The following EVC variants were observed in gnomAD, a reference collection of about 807,000 sequenced individuals.
EVC encodes evC complex member EVC.
Under a neutral mutation model 118.9 loss-of-function variants are expected in EVC, and 116 were observed. The ratio of observed to expected loss-of-function variants is 0.98; its 90% confidence interval spans 0.84 to 1.14. The LOEUF (loss-of-function observed/expected upper bound fraction) is 1.14, where lower values mean the gene tolerates loss of function less well. EVC is among the 50% of genes most tolerant of loss of function. The probability of loss-of-function intolerance (pLI) is 0.00; values close to 1 mark genes in which losing one functional copy is unlikely to be tolerated. For missense variants in EVC, 1,401 were observed against 1,246.4 expected, an observed-to-expected ratio of 1.12 and a Z score of -1.87; for synonymous variants, 619 against 534.7, an observed-to-expected ratio of 1.16 and a Z score of -2.18.
chr4:5,801,373 T>C (rs1714938133), intron 15 of EVC, among the ~76,000 whole-genome samples: 1 of 152,116 alleles, frequency 6.6e-6, no homozygotes, highest in Admixed American at 6.5e-5. Context: ...TCCTCCACCT[T>C]AATGTTTAGA....
At position 5,802,098 on chromosome 4, in the gene EVC, C is replaced by A. The variant is rs753679138; in HGVS notation, c.2449+4C>A. 4.4e-6 allele frequency: 7 copies of A among 1,598,440 alleles called. No individual in the cohort carries two copies. Among genetic ancestry groups the A allele is most frequent in the Non-Finnish European group, 5.1e-6 (6 of 1,172,390 alleles). On this transcript the variant is annotated splice_donor_region_variant and intron_variant, in intron 16 of 20. Coordinates refer to ENST00000264956, the MANE Select transcript of EVC (RefSeq NM_153717.3). ...CAGCACCTGAAGACCCTGCAGGGTACGGGACCCCCCCTCAGGGAAGCCCCA... is the reference window on the plus strand; with the variant it reads ...CAGCACCTGAAGACCCTGCAGGGTAAGGGACCCCCCCTCAGGGAAGCCCCA...
rs1358533187 is a variant in EVC, at chr4:5,798,344, A to G, written c.2098-242A>G. Among the ~76,000 whole-genome samples the G allele has an allele frequency of 2.0e-5, 3 of 152,274 alleles. No individual in the cohort carries two copies. The highest frequency in any genetic ancestry group is 6.5e-5 in the Admixed American group (1 of 15,294). On this transcript the variant is annotated intron_variant, in intron 14 of 20. Transcript: ENST00000264956. The surrounding 1 kb of genome is among the most constrained non-coding windows in gnomAD (Gnocchi z 4.1). ...CCCCCCATCTTGTGAGGGGCCATAG[A>G]TGGTACTGGGCACGCAGTTGATGCT...
chr4:5,817,336 G>C (rs189009721), downstream of EVC, among the ~76,000 whole-genome samples: 25 of 152,300 alleles, frequency 1.6e-4, no homozygotes, highest in African/African-American at 4.6e-4. Context: ...GATAGGGAAA[G>C]ACTTTGAAGT....
chr4:5,744,327 G>C (rs960746995), intron 6 of EVC, among the ~76,000 whole-genome samples: 1 of 152,160 alleles, frequency 6.6e-6, no homozygotes, highest in Non-Finnish European at 1.5e-5. Context: ...GCCTCAGCTT[G>C]GGTCTTCAAT....
At chr4:5,788,989 G>C (rs1250865525) in intron 12 of EVC, among the ~76,000 whole-genome samples, 1 of 152,108 alleles carries the variant, frequency 6.6e-6, no homozygotes, top group Admixed American at 6.5e-5. Context: ...TCAAAAGATT[G>C]GACGTCCCTG....
intron 2 of EVC, among the ~76,000 whole-genome samples, chr4:5,721,404 A>G (rs1226458632): frequency 6.6e-5 from 10 of 152,238 alleles, no homozygotes; most frequent in Admixed American, 6.5e-4. Flanking sequence ...AGCCACTCAC[A>G]AAAGACCACA....
intron 13 of EVC, 108 bp downstream of exon 13, chr4:5,793,825 C>A (rs553799739): frequency 1.2e-6 from 1 of 824,134 alleles, no homozygotes; most frequent in East Asian, 2.7e-5. Context: ...CCTCAGCTTC[C>A]TTTGAATGTA....
chr4:5,753,644 G>T, intron 9 of EVC, 141 bp from the exon 10 acceptor site: 1 of 1,084,858 alleles, frequency 9.2e-7, no homozygotes, highest in Non-Finnish European at 1.4e-6. Context: ...AAAAACCCAG[G>T]TGTGTCACCA....
At chr4:5,772,381 G>A (rs1460489450) in intron 11 of EVC, among the ~76,000 whole-genome samples, 2 of 152,012 alleles carry the variant, frequency 1.3e-5, no homozygotes, top group East Asian at 1.9e-4. Flanking sequence ...AACAGACCAG[G>A]TTATGGGCCC....
At chr4:5,720,972 CTG>C (rs1472892052) in intron 2 of EVC, among the ~76,000 whole-genome samples, 1 of 152,136 alleles carries the variant, frequency 6.6e-6, no homozygotes, top group Non-Finnish European at 1.5e-5. Flanking sequence ...GTCTCTGACA[CTG>C]TGTGCTTGCC....
chr4:5,730,937 C>T (rs1185824267), intron 3 of EVC, among the ~76,000 whole-genome samples: 1 of 150,712 alleles, frequency 6.6e-6, no homozygotes, highest in African/African-American at 2.5e-5. Flanking sequence ...CATGGTGTTC[C>T]AGCTTCTTGA....
rs116236414 is a variant in EVC, at chr4:5,753,941, A to T, written c.1464+8A>T. 3.7e-6 allele frequency: 6 copies of T among 1,612,628 alleles called. No individual in the cohort carries two copies. The South Asian group carries it at 6.6e-5, about 18-fold the overall frequency. ...CCGGAAAAGTTTCTCGAGGTGACTC[A>T]CATCCCCAGCCTCTGCACATGTGGG... On this transcript the variant is annotated splice_region_variant and intron_variant, in intron 10 of 20. Transcript: ENST00000264956.
intron 11 of EVC, among the ~76,000 whole-genome samples, chr4:5,769,833 G>C (rs909883740): frequency 2.0e-5 from 3 of 152,180 alleles, no homozygotes; most frequent in African/African-American, 7.2e-5. Context: ...TGTCCTTGAA[G>C]AACACAGGCA....
intron 7 of EVC, among the ~76,000 whole-genome samples, chr4:5,747,383 A>G (rs1729522931): frequency 6.6e-6 from 1 of 152,182 alleles, no homozygotes; most frequent in African/African-American, 2.4e-5. Flanking sequence ...GACCTGAACC[A>G]AATCCGGGCT....
intron 11 of EVC, among the ~76,000 whole-genome samples, chr4:5,768,485 C>T (rs997548818): frequency 1.3e-5 from 2 of 152,060 alleles, no homozygotes; most frequent in African/African-American, 2.4e-5. Context: ...AATAGGCCTT[C>T]ATATGAATAT....
intron 11 of EVC, among the ~76,000 whole-genome samples, chr4:5,780,330 C>T (rs1735395376): frequency 6.6e-6 from 1 of 152,076 alleles, no homozygotes; most frequent in African/African-American, 2.4e-5. Flanking sequence ...GTTTATTTTC[C>T]TTTTAAAAAA....
At chr4:5,764,207 T>C in intron 11 of EVC, among the ~76,000 whole-genome samples, 1 of 142,994 alleles carries the variant, frequency 7.0e-6, no homozygotes, top group Non-Finnish European at 1.5e-5. Context: ...ATTACATTTA[T>C]TGATTTGCGT....
intron 11 of EVC, among the ~76,000 whole-genome samples, chr4:5,782,739 G>A (rs1208593547): frequency 6.6e-6 from 1 of 152,002 alleles, no homozygotes; most frequent in East Asian, 1.9e-4. Flanking sequence ...AGCCCTGCTG[G>A]GTGATCTTGA....
At chr4:5,741,947 G>C in intron 6 of EVC, 133 bp downstream of exon 6, 1 of 495,568 alleles carries the variant, frequency 2.0e-6, no homozygotes, top group South Asian at 3.1e-5. Flanking sequence ...ACACAGTATA[G>C]TGAAATATAA....
Sources: gnomAD v4.1 joint callset for allele counts (sites outside exome capture counted in the v4.1 genomes callset) on GRCh38, gnomAD v4.1.1 for gene constraint, Gnocchi (gnomAD v3.1) non-coding constraint, MANE v1.5 for transcripts, NCBI Gene and HGNC (gene_info 2026-07-23, HGNC 2026-07-21) for gene names.